Variants in RPL36 observed in about 807,000 individuals in gnomAD.
RPL36 encodes large ribosomal subunit protein eL36.
For synonymous variants in RPL36, 74 were observed against 56.0 expected (o/e 1.32, Z -1.44); for missense variants, 131 against 144.9 (o/e 0.90, Z 0.49).
rs1340061611 is a variant in RPL36 at position 5,691,309 on chromosome 19, T to C, written c.94-10T>C. ...CCCCCTACCCTGACGGCCGCCCCTT[T>C]CCCCCCTAGCGTCTGACCAAACACA... On this transcript the variant is annotated splice_polypyrimidine_tract_variant and intron_variant, in intron 2 of 3. Transcript: ENST00000347512. 6.2e-7 allele frequency: 1 copy of C among 1,610,362 alleles called. No individual in the cohort carries two copies. Among genetic ancestry groups the C allele is most frequent in the East Asian group, 2.2e-5 (1 of 44,856 alleles).
At chr19:5,691,142 A>T (rs1017681341) in intron 2 of RPL36, 177 bp from the exon 3 acceptor site, 1 of 831,910 alleles carries the variant, frequency 1.2e-6, no homozygotes, top group Non-Finnish European at 1.9e-6. Context: ...ACTGGGACTT[A>T]GGGAGGATGG....
rs2054826542 is a variant in RPL36, at chr19:5,691,829, C to T, written c.*208C>T. 1.2e-6 allele frequency: 1 copy of T among 800,242 alleles called. No homozygotes were observed. The highest frequency in any genetic ancestry group is 2.0e-6 in the Non-Finnish European group (1 of 509,562). The allele number at this position is 800,242 out of a possible 1,614,324, so 49.6% of individuals were successfully genotyped here. On this transcript the variant is annotated 3_prime_UTR_variant, in exon 4 of 4. Coordinates refer to ENST00000347512, the MANE Select transcript of RPL36 (RefSeq NM_033643.3). ...TTCCCGGGGCAGCAGGTGAGGAAGCCGCCGTACTGCAAATGACTTTAATCA... is the reference window on the plus strand; with the variant it reads ...TTCCCGGGGCAGCAGGTGAGGAAGCTGCCGTACTGCAAATGACTTTAATCA...
Position 5,690,492 on chromosome 19 carries a change from G to C in RPL36, c.-2-14G>C. 6.5e-7 allele frequency: 1 copy of C among 1,537,302 alleles called. No individual in the cohort carries two copies. Among genetic ancestry groups the C allele is most frequent in the Non-Finnish European group, 8.8e-7 (1 of 1,134,688 alleles). On this transcript the variant is annotated splice_polypyrimidine_tract_variant and intron_variant, in intron 1 of 3. Coordinates refer to ENST00000347512, the MANE Select transcript of RPL36 (RefSeq NM_033643.3). ...GTACTCACCTCCGCCCCTTCTCCCC[G>C]TCGCTGTCCGCAGCCATGGCCCTAC...
chr19:5,691,708 T>C lies in RPL36; in HGVS notation c.*87T>C, dbSNP rs1599438432. On this transcript the variant is annotated 3_prime_UTR_variant, in exon 4 of 4. Coordinates refer to ENST00000347512, the MANE Select transcript of RPL36 (RefSeq NM_033643.3). Reference sequence around the variant, plus strand: ...CTGTCCGTGGGTGGGTGTGGGTGTGTCGGGGGCCCGCAGTCCCCTGTCTGG... The same window carrying C: ...CTGTCCGTGGGTGGGTGTGGGTGTGCCGGGGGCCCGCAGTCCCCTGTCTGG... 1.5e-6 allele frequency: 2 copies of C among 1,369,978 alleles called. No individual in the cohort carries two copies. Among genetic ancestry groups the C allele is most frequent in the South Asian group, 1.2e-5 (1 of 80,310 alleles). 84.9% of individuals were successfully genotyped at this position (1,369,978 alleles called of 1,614,324 possible).
intron 2 of RPL36, 130 bp downstream of exon 2, chr19:5,690,730 G>C: frequency 1.3e-6 from 1 of 754,952 alleles, no homozygotes. Context: ...GAATGGAAGA[G>C]ATGGGGTGGG....
chr19:5,690,784 TG>T (rs1183434503), intron 2 of RPL36, 184 bp downstream of exon 2: 6 of 636,752 alleles, frequency 9.4e-6, no homozygotes, highest in East Asian at 8.2e-5. Context: ...GGCACCCATC[TG>T]GGTTTTTCCC....
Position 5,691,232 on chromosome 19 carries a change from C to T in RPL36, c.94-87C>T, listed in dbSNP as rs117130902. ...GCTACCCACAGAGGGGAGGAAGTAG[C>T]CAGGGAAATCGCGGCAGCGCGAGAG... On this transcript the variant is annotated intron_variant, in intron 2 of 3. Coordinates refer to ENST00000347512, the MANE Select transcript of RPL36 (RefSeq NM_033643.3). 6,008 of 1,591,640 alleles carry T rather than the reference C, an allele frequency of 3.8e-3. 12 individuals are homozygous for T. Among genetic ancestry groups the T allele is most frequent in the Non-Finnish European group, 4.8e-3 (5,561 of 1,162,058 alleles).
intron 2 of RPL36, 48 bp from the exon 3 acceptor site, chr19:5,691,271 A>G: frequency 1.9e-6 from 3 of 1,611,276 alleles, no homozygotes; most frequent in East Asian, 2.2e-5. Context: ...CTGCTTAACT[A>G]GAATGCAGGG....
chr19:5,690,877 A>C (rs993444338), intron 2 of RPL36: 3 of 564,518 alleles, frequency 5.3e-6, no homozygotes, highest in South Asian at 2.0e-5. Flanking sequence ...ACGCAGGAGT[A>C]GGAGTTCGCT....
At position 5,690,501 on chromosome 19, in the gene RPL36, C is replaced by A; in HGVS notation, c.-2-5C>A. On this transcript the variant is annotated splice_polypyrimidine_tract_variant and splice_region_variant and intron_variant, in intron 1 of 3. Transcript: ENST00000347512. ...TCCGCCCCTTCTCCCCGTCGCTGTC[C>A]GCAGCCATGGCCCTACGCTACCCTA... 3 of 1,543,076 alleles carry A rather than the reference C, an allele frequency of 1.9e-6. No individual in the cohort carries two copies. The highest frequency in any genetic ancestry group is 2.6e-6 in the Non-Finnish European group (3 of 1,138,902).
rs2054827081 is a variant in RPL36, at chr19:5,691,849, T to C, written c.*228T>C. On this transcript the variant is annotated 3_prime_UTR_variant, in exon 4 of 4. Transcript: ENST00000347512. ...GAAGCCGCCGTACTGCAAATGACTT[T>C]AATCATTAAATAGCTTCTATGCCAC... 1 of 815,142 alleles carries C rather than the reference T, an allele frequency of 1.2e-6. No homozygotes were observed. The highest frequency in any genetic ancestry group is 1.9e-6 in the Non-Finnish European group (1 of 525,708). The allele number at this position is 815,142 out of a possible 1,614,324, so 50.5% of individuals were successfully genotyped here.
rs555704865 is a variant in RPL36, at chr19:5,690,833, G to A, written c.93+233G>A. Reference sequence around the variant, plus strand: ...CACGCTGGGGCAGAGGGAGCACCTTGAGAGCGGCGCGGGGCAGCGGGTTTG... The same window carrying A: ...CACGCTGGGGCAGAGGGAGCACCTTAAGAGCGGCGCGGGGCAGCGGGTTTG... On this transcript the variant is annotated intron_variant, in intron 2 of 3. Transcript: ENST00000347512. 3.7e-5 allele frequency: 22 copies of A among 596,844 alleles called. No homozygotes were observed. The South Asian group carries it at 4.3e-4, about 12-fold the overall frequency. 37.0% of individuals were successfully genotyped at this position (596,844 alleles called of 1,614,324 possible).
chr19:5,691,148 G>A (rs947391607), intron 2 of RPL36, 171 bp from the exon 3 acceptor site: 2 of 871,246 alleles, frequency 2.3e-6, no homozygotes, highest in Non-Finnish European at 3.6e-6. Context: ...ACTTAGGGAG[G>A]ATGGGAGCTG....
At position 5,691,556 on chromosome 19, in the gene RPL36, A is replaced by C. The variant is rs750043475; in HGVS notation, c.253A>C (p.Arg85=). 4 of 1,611,744 alleles carry C rather than the reference A, an allele frequency of 2.5e-6. No individual in the cohort carries two copies. In the South Asian group the frequency reaches 4.4e-5, roughly 18 times the overall value. The change falls in exon 4 of 4, where the codon AGG becomes CGG. Residue 85 remains arginine, a synonymous_variant. Transcript: ENST00000347512. ...KRVGTHIRAK[R]KREELSNVLA... ...GGTGGGGACGCACATCCGCGCCAAG[A>C]GGAAGCGGGAGGAGCTGAGCAACGT...
chr19:5,690,750 C>T (rs566601942), intron 2 of RPL36, 150 bp downstream of exon 2: 10 of 679,890 alleles, frequency 1.5e-5, no homozygotes, highest in African/African-American at 8.9e-5. Flanking sequence ...GGGAGTGGGA[C>T]TTCCTGCCTG....
intron 1 of RPL36, 39 bp from the exon 2 acceptor site, chr19:5,690,467 G>A (rs1383730425): frequency 7.5e-6 from 11 of 1,459,530 alleles, no homozygotes; most frequent in East Asian, 2.5e-5. Context: ...AACTGAGCCG[G>A]TACTCACCTC....
At chr19:5,691,103 T>C in intron 2 of RPL36, 1 of 651,680 alleles carries the variant, frequency 1.5e-6, no homozygotes, top group Non-Finnish European at 2.7e-6. Flanking sequence ...CAGCCCAGAC[T>C]CCAGGTGCGT....
At position 5,690,568 on chromosome 19, in the gene RPL36, G is replaced by A. The variant is rs1463905349; in HGVS notation, c.61G>A (p.Val21Met). The change falls in exon 2 of 4, where the codon GTG (valine) becomes ATG (methionine). Residue 21 changes from valine (V) to methionine (M), a missense_variant. Physicochemically the swap from Val to Met is conservative, Grantham distance 21. Transcript: ENST00000347512. ...CAAGGGCCACAAAGTGACCAAGAAC[G>A]TGAGCAAGCCCAGGCACAGCCGACG... ...LNKGHKVTKN[V>M]SKPRHSRRRG... 1.3e-6 allele frequency: 2 copies of A among 1,571,540 alleles called. No individual in the cohort carries two copies. The highest frequency in any genetic ancestry group is 8.6e-7 in the Non-Finnish European group (1 of 1,159,288).
chr19:5,691,112 G>C, intron 2 of RPL36: 1 of 672,718 alleles, frequency 1.5e-6, no homozygotes, highest in South Asian at 1.8e-5. Flanking sequence ...CTCCAGGTGC[G>C]TCCTGCCAGT....
Sources: gnomAD v4.1 joint callset for allele counts on GRCh38, gnomAD v4.1.1 for gene constraint, MANE v1.5 for transcripts, NCBI Gene and HGNC (gene_info 2026-07-23, HGNC 2026-07-21) for gene names.